SEMA5A: variants seen among roughly 807,000 people sequenced by gnomAD.
SEMA5A encodes the protein semaphorin-5A.
In SEMA5A, 55 loss-of-function variants were observed where a neutral mutation model predicts 135.5. The ratio of observed to expected loss-of-function variants is 0.41; its 90% CI spans 0.33 to 0.51. The LOEUF is 0.51. Ranked by LOEUF, SEMA5A falls within the 20% of genes least tolerant of loss-of-function variation. SEMA5A has a pLI of 0.37. For missense variants in SEMA5A, 1,290 were observed against 1,419.9 expected, an observed-to-expected ratio of 0.91 and a Z score of 1.47; for synonymous variants, 580 against 546.5, an observed-to-expected ratio of 1.06 and a Z score of -0.85.
At chr5:9,216,837 T>C (rs1746656912) in intron 8 of SEMA5A, among the ~76,000 whole-genome samples, 1 of 152,224 alleles carries the variant, frequency 6.6e-6, no homozygotes, top group African/African-American at 2.4e-5. Context: ...GCTTGGTAGA[T>C]TTTTTTCCAT....
chr5:9,488,365 G>A lies in SEMA5A; in HGVS notation c.-174-50513C>T, dbSNP rs574531133. Among the ~76,000 whole-genome samples the A allele has an allele frequency of 5.9e-5, 9 of 152,292 alleles. No homozygotes were observed. In the South Asian group the frequency reaches 1.0e-3, roughly 18 times the overall value. On this transcript the variant is annotated intron_variant, in intron 1 of 22. Transcript: ENST00000382496. ...CACCACTGGACATTTTACATCTTGCGTGATGTTTAAGAGACACTTATAAGA... is the reference window on the plus strand; with the variant it reads ...CACCACTGGACATTTTACATCTTGCATGATGTTTAAGAGACACTTATAAGA...
At chr5:9,192,475 A>C (rs1388054513) in intron 10 of SEMA5A, among the ~76,000 whole-genome samples, 2 of 152,218 alleles carry the variant, frequency 1.3e-5, no homozygotes, top group African/African-American at 2.4e-5. Context: ...TTGGAGCAGG[A>C]CAGCAATTCT....
At chr5:9,266,179 T>C (rs1007422024) in intron 5 of SEMA5A, among the ~76,000 whole-genome samples, 4 of 152,178 alleles carry the variant, frequency 2.6e-5, no homozygotes, top group Non-Finnish European at 2.9e-5. Context: ...GAATACAGGT[T>C]GATGTTTCCA....
chr5:9,116,725 T>G (rs1432401956), intron 15 of SEMA5A, among the ~76,000 whole-genome samples: 1 of 152,252 alleles, frequency 6.6e-6, no homozygotes, highest in Admixed American at 6.5e-5. Flanking sequence ...ATCAATTATT[T>G]TGTATGCCTA....
intron 1 of SEMA5A, among the ~76,000 whole-genome samples, chr5:9,504,508 A>G (rs931983731): frequency 1.3e-5 from 2 of 152,180 alleles, no homozygotes; most frequent in Non-Finnish European, 2.9e-5. Flanking sequence ...CAGGTAATAA[A>G]CCAATAAGTA....
chr5:9,391,167 GT>G (rs1005398642), intron 2 of SEMA5A, among the ~76,000 whole-genome samples: 1 of 152,176 alleles, frequency 6.6e-6, no homozygotes, highest in Non-Finnish European at 1.5e-5. Context: ...CTGAAAATGT[GT>G]TTTCTTAGAG....
In SEMA5A at chr5:9,075,555, G is replaced by GC. The variant is rs565882817; in HGVS notation, c.2074-8910dup. ...AATAATTATGCACATAAAAAAGCCA[G>GC]CAAAAAAAAAAAGGTGTGACACTGT... is the stretch of plus-strand genomic sequence containing the variant. On this transcript the variant is annotated intron_variant, in intron 16 of 22. Transcript: ENST00000382496. Among the ~76,000 whole-genome samples, 27 of 25,316 alleles carry GC rather than the reference G, an allele frequency of 1.1e-3. No individual in the cohort carries two copies. In the East Asian group the frequency reaches 0.046, roughly 43 times the overall value. The allele number at this position is 25,316 out of a possible 152,430, so 16.6% of individuals were successfully genotyped here. A position where few individuals can be genotyped will look rare whatever the true frequency, so the allele number is the denominator to read the frequency against.
intron 3 of SEMA5A, among the ~76,000 whole-genome samples, chr5:9,339,532 G>A (rs1054512675): frequency 2.6e-5 from 4 of 152,010 alleles, no homozygotes; most frequent in East Asian, 3.9e-4. Flanking sequence ...GAATGCGATA[G>A]GAAATAATAA....
intron 14 of SEMA5A, among the ~76,000 whole-genome samples, chr5:9,121,457 A>C (rs1740808513): frequency 6.6e-6 from 1 of 152,248 alleles, no homozygotes; most frequent in Admixed American, 6.5e-5. Flanking sequence ...TGACTTTCCA[A>C]CTAGAGCAAG....
At chr5:9,280,769 C>A in intron 5 of SEMA5A, 1 of 420,102 alleles carries the variant, frequency 2.4e-6, no homozygotes, top group South Asian at 1.8e-5. Context: ...GAGAACATCA[C>A]TGACAACAGC....
intron 1 of SEMA5A, among the ~76,000 whole-genome samples, chr5:9,449,301 G>A (rs981054535): frequency 3.9e-5 from 6 of 152,148 alleles, no homozygotes; most frequent in African/African-American, 1.4e-4. Context: ...ATTATCCTCA[G>A]CGAACTAATG....
At chr5:9,428,492 G>A (rs766128276) in intron 2 of SEMA5A, among the ~76,000 whole-genome samples, 2 of 152,134 alleles carry the variant, frequency 1.3e-5, no homozygotes, top group Non-Finnish European at 2.9e-5. Context: ...AGCTACATTG[G>A]TTTCGGTCTT....
chr5:9,059,897 A>C (rs1737089862), intron 18 of SEMA5A, among the ~76,000 whole-genome samples: 1 of 152,224 alleles, frequency 6.6e-6, no homozygotes, highest in Non-Finnish European at 1.5e-5. Flanking sequence ...TTTTTAAATA[A>C]AATACAGTGT....
At chr5:9,046,149 G>T (rs1736240164) in intron 21 of SEMA5A, among the ~76,000 whole-genome samples, 1 of 152,142 alleles carries the variant, frequency 6.6e-6, no homozygotes, top group Non-Finnish European at 1.5e-5. Flanking sequence ...CACCTGCTCA[G>T]AGCACATCCT....
chr5:9,529,735 T>C (rs575406785), intron 1 of SEMA5A, among the ~76,000 whole-genome samples: 2 of 152,322 alleles, frequency 1.3e-5, no homozygotes, highest in Admixed American at 1.3e-4. Flanking sequence ...TGAAAGTAAA[T>C]ATGAACTTAG....
intron 3 of SEMA5A, among the ~76,000 whole-genome samples, chr5:9,338,655 G>A (rs925096499): frequency 1.3e-5 from 2 of 152,036 alleles, no homozygotes; most frequent in African/African-American, 4.8e-5. Flanking sequence ...TCTGATTGTC[G>A]TTTTTTCTTG....
intron 16 of SEMA5A, among the ~76,000 whole-genome samples, chr5:9,085,399 G>T (rs879651269): frequency 4.6e-5 from 7 of 152,122 alleles, no homozygotes; most frequent in Non-Finnish European, 7.4e-5. Flanking sequence ...TGGGCCCGGG[G>T]TCCCTGTGCT....
intron 1 of SEMA5A, among the ~76,000 whole-genome samples, chr5:9,456,479 A>AG (rs2126717461): frequency 1.1e-5 from 1 of 90,872 alleles, no homozygotes; most frequent in East Asian, 2.4e-4. Context: ...AAGGACAAGT[A>AG]GAAAAAAAGG....
At chr5:9,130,708 CTCTTA>C (rs1459351132) in intron 13 of SEMA5A, among the ~76,000 whole-genome samples, 1 of 152,204 alleles carries the variant, frequency 6.6e-6, no homozygotes. Flanking sequence ...TCTTTTCTTT[CTCTTA>C]TATTAAGATT....
Sources: allele counts gnomAD v4.1 joint callset (sites outside exome capture counted in the v4.1 genomes callset), GRCh38; gene constraint gnomAD v4.1.1; transcripts MANE v1.5; gene names NCBI Gene and HGNC (gene_info 2026-07-23, HGNC 2026-07-21).